Variants in NT5DC3 observed in about 807,000 individuals in gnomAD.
NT5DC3 encodes the protein 5'-nucleotidase domain containing 3.
NT5DC3 carries 42 observed loss-of-function variants against 67.8 expected under a neutral mutation model. The observed-to-expected ratio is 0.62, with a 90% CI of 0.48 to 0.80. NT5DC3 has a LOEUF of 0.80. Ranked by LOEUF, NT5DC3 falls within the 30% of genes least tolerant of loss-of-function variation. The pLI, the probability that NT5DC3 is intolerant of heterozygous loss-of-function variation, is 0.00. For missense variants in NT5DC3, 570 were observed against 696.4 expected, an observed-to-expected ratio of 0.82 and a Z score of 2.04; for synonymous variants, 237 against 255.6, an observed-to-expected ratio of 0.93 and a Z score of 0.69.
chr12:103,805,055 A>G lies in NT5DC3; in HGVS notation c.524+1267T>C, dbSNP rs141333358. Among the ~76,000 whole-genome samples, 1,198 of 140,338 alleles carry G rather than the reference A, an allele frequency of 8.5e-3. 8 individuals carry two copies. The highest frequency in any genetic ancestry group is 0.014 in the Middle Eastern group (4 of 282). The allele number at this position is 140,338 out of a possible 152,430, so 92.1% of individuals were successfully genotyped here. A position where few individuals can be genotyped will look rare whatever the true frequency, so the allele number is the denominator to read the frequency against. On this transcript the variant is annotated intron_variant, in intron 4 of 13. Coordinates refer to ENST00000392876, the MANE Select transcript of NT5DC3 (RefSeq NM_001031701.3). ...AACAAGAGGGAGACTCCATCTCAATAACAAAAAAAAAAAAAAAGAGTGAAC... is the reference window on the plus strand; with the variant it reads ...AACAAGAGGGAGACTCCATCTCAATGACAAAAAAAAAAAAAAAGAGTGAAC...
intron 4 of NT5DC3, among the ~76,000 whole-genome samples, chr12:103,801,842 G>A (rs568191535): frequency 7.9e-5 from 12 of 152,336 alleles, no homozygotes; most frequent in African/African-American, 2.9e-4. Flanking sequence ...CGTGATGTGA[G>A]GCACGAAGCC....
rs188801069 is a variant in NT5DC3, at chr12:103,780,419, C to A, written c.1330-55G>T. ...GTTTTGATTTCAAATAAGCTCATTA[C>A]GTAATGAGAATTTTTTAATGAGCAG... On this transcript the variant is annotated intron_variant, in intron 12 of 13. Transcript: ENST00000392876. 8 of 1,525,890 alleles carry A rather than the reference C, an allele frequency of 5.2e-6. No individual in the cohort carries two copies. In the Admixed American group the frequency reaches 1.2e-4, roughly 22 times the overall value. 94.5% of individuals were successfully genotyped at this position (1,525,890 alleles called of 1,614,324 possible).
intron 4 of NT5DC3, among the ~76,000 whole-genome samples, chr12:103,805,651 G>C (rs1324010882): frequency 1.3e-5 from 2 of 151,984 alleles, no homozygotes; most frequent in Non-Finnish European, 2.9e-5. Context: ...TTCAAGACCA[G>C]CCTGGCTAAT....
chr12:103,833,353 G>A (rs1480150756), intron 1 of NT5DC3, among the ~76,000 whole-genome samples: 1 of 152,148 alleles, frequency 6.6e-6, no homozygotes, highest in African/African-American at 2.4e-5. Context: ...AGAAATATTG[G>A]TCTAATTTTA....
At chr12:103,828,592 G>T (rs1887789126) in intron 1 of NT5DC3, among the ~76,000 whole-genome samples, 1 of 152,046 alleles carries the variant, frequency 6.6e-6, no homozygotes, top group Non-Finnish European at 1.5e-5. Context: ...TACCATCCAA[G>T]TGGGATATAA....
At chr12:103,839,599 T>C (rs1174961476) in intron 1 of NT5DC3, among the ~76,000 whole-genome samples, 1 of 149,576 alleles carries the variant, frequency 6.7e-6, no homozygotes, top group African/African-American at 2.5e-5. Flanking sequence ...AATTACAAGT[T>C]AAAAAAAAAA....
downstream of NT5DC3, chr12:103,766,064 T>C (rs1234121572): frequency 1.5e-6 from 1 of 679,494 alleles, no homozygotes; most frequent in Admixed American, 2.0e-5. Flanking sequence ...ATGATTTGTC[T>C]TGGGCCACCC....
the NT5DC3 span, chr12:103,755,696 C>T: frequency 1.2e-6 from 2 of 1,614,132 alleles, no homozygotes; most frequent in Non-Finnish European, 1.7e-6. Context: ...ATGTCCTTCC[C>T]CTCACTCACA....
intron 9 of NT5DC3, among the ~76,000 whole-genome samples, chr12:103,790,498 TG>T (rs950927157): frequency 6.6e-6 from 1 of 151,918 alleles, no homozygotes; most frequent in African/African-American, 2.4e-5. Flanking sequence ...TGACCTCAGG[TG>T]ATCTGCCCAC....
chr12:103,794,449 C>A (rs1886221945), intron 6 of NT5DC3, among the ~76,000 whole-genome samples: 1 of 152,166 alleles, frequency 6.6e-6, no homozygotes, highest in Non-Finnish European at 1.5e-5. Context: ...CACACCCAGC[C>A]AATTCTGGTC....
chr12:103,785,731 G>T lies in NT5DC3; in HGVS notation c.1189-256C>A, dbSNP rs574280143. 181 of 513,992 alleles carry T rather than the reference G, an allele frequency of 3.5e-4. 2 individuals carry two copies. Among genetic ancestry groups the T allele is most frequent in the Non-Finnish European group, 4.7e-4 (129 of 274,772 alleles). The allele number at this position is 513,992 out of a possible 1,614,324, so 31.8% of individuals were successfully genotyped here. A position where few individuals can be genotyped will look rare whatever the true frequency, so the allele number is the denominator to read the frequency against. ...AACCCCTGCAGAAACACTAGGTCTG[G>T]AATCATTAACCATGGTCTGTAAAAA... is the stretch of plus-strand genomic sequence containing the variant. On this transcript the variant is annotated intron_variant, in intron 11 of 13. Transcript: ENST00000392876.
the NT5DC3 span, chr12:103,755,864 T>C: frequency 1.4e-6 from 1 of 702,256 alleles, no homozygotes; most frequent in Non-Finnish European, 2.4e-6. Flanking sequence ...TAAAGCCTAG[T>C]TTTGCCACTC....
the NT5DC3 span, among the ~76,000 whole-genome samples, chr12:103,752,063 T>G: frequency 6.6e-6 from 1 of 152,172 alleles, no homozygotes; most frequent in African/African-American, 2.4e-5. Flanking sequence ...AGCCTTAAAA[T>G]AACTCATACT....
intron 1 of NT5DC3, chr12:103,822,047 G>A (rs1004470601): frequency 1.3e-5 from 2 of 152,206 alleles, no homozygotes; most frequent in African/African-American, 4.8e-5. Flanking sequence ...CACCATGTGA[G>A]TCAGAGTTTA....
intron 13 of NT5DC3, among the ~76,000 whole-genome samples, chr12:103,778,969 G>A (rs995341725): frequency 1.3e-5 from 2 of 152,214 alleles, no homozygotes; most frequent in Admixed American, 6.5e-5. Context: ...TGCAACAGCT[G>A]CTCCCGATGG....
At chr12:103,753,168 C>G in the NT5DC3 span, 115 of 1,602,428 alleles carry the variant, frequency 7.2e-5, 1 homozygote, top group Non-Finnish European at 9.5e-5. Context: ...TTGTTGGAAA[C>G]ACTGCCAACC....
the NT5DC3 span, among the ~76,000 whole-genome samples, chr12:103,752,387 G>A: frequency 0.011 from 1,605 of 152,256 alleles, 25 homozygotes; most frequent in African/African-American, 0.037. Flanking sequence ...ATGTTCAAAC[G>A]AGAAAAACTT....
At chr12:103,785,635 T>C (rs943864885) in intron 11 of NT5DC3, 160 bp from the exon 12 acceptor site, 3 of 784,728 alleles carry the variant, frequency 3.8e-6, no homozygotes, top group Non-Finnish European at 6.4e-6. Context: ...AATTAAAACC[T>C]ATTTGGCCCC....
the NT5DC3 span, among the ~76,000 whole-genome samples, chr12:103,754,129 A>G: frequency 6.6e-6 from 1 of 151,766 alleles, no homozygotes; most frequent in African/African-American, 2.4e-5. Context: ...ACAAATCTCT[A>G]CTTTTTCAGA....
Sources: gnomAD v4.1 joint callset for allele counts (sites outside exome capture counted in the v4.1 genomes callset) on GRCh38, gnomAD v4.1.1 for gene constraint, MANE v1.5 for transcripts, NCBI Gene and HGNC (gene_info 2026-07-23, HGNC 2026-07-21) for gene names.